The following MTA3 variants were observed in gnomAD, a reference collection of about 807,000 sequenced individuals.
The protein encoded by MTA3 is metastasis associated 1 family member 3, also known as metastasis-associated protein MTA3.
A neutral mutation model predicts 83.5 loss-of-function variants in MTA3; 34 were observed. The ratio of observed to expected loss-of-function variants is 0.41; its 90% CI spans 0.31 to 0.54. The LOEUF (loss-of-function observed/expected upper bound fraction) is 0.54, where lower values mean the gene tolerates loss of function less well. MTA3 is among the 20% of genes least tolerant of loss of function. MTA3 has a pLI of 0.33. For synonymous variants in MTA3, 303 were observed against 252.7 expected (o/e 1.20, Z -1.89); for missense variants, 761 against 726.4 (o/e 1.05, Z -0.55).
chr2:42,604,527 A>G (rs1480668215), intron 3 of MTA3, among the ~76,000 whole-genome samples: 1 of 145,038 alleles, frequency 6.9e-6, no homozygotes, highest in Non-Finnish European at 1.5e-5. Flanking sequence ...TGCTGAATTT[A>G]GTGTTGCTCG....
chr2:42,590,479 A>C (rs1680836601), intron 3 of MTA3, among the ~76,000 whole-genome samples: 1 of 152,142 alleles, frequency 6.6e-6, no homozygotes, highest in South Asian at 2.1e-4. Flanking sequence ...GCAGATGCCC[A>C]GTCATAAACT....
intron 2 of MTA3, among the ~76,000 whole-genome samples, chr2:42,510,024 C>T (rs980227095): frequency 6.6e-6 from 1 of 151,960 alleles, no homozygotes; most frequent in Non-Finnish European, 1.5e-5. Flanking sequence ...GCCAGCTTCC[C>T]GTGTTTAAAA....
chr2:42,547,040 C>G (rs1288846310), intron 2 of MTA3, among the ~76,000 whole-genome samples: 1 of 152,114 alleles, frequency 6.6e-6, no homozygotes, highest in African/African-American at 2.4e-5. Flanking sequence ...GAGGTTCCCC[C>G]CACTACTCTC....
chr2:42,639,560 C>T (rs1488822976), intron 4 of MTA3, among the ~76,000 whole-genome samples: 1 of 152,180 alleles, frequency 6.6e-6, no homozygotes, highest in Non-Finnish European at 1.5e-5. Context: ...AATGTAAGTG[C>T]TGTCAGACCT....
chr2:42,640,292 C>G (rs959057622), intron 5 of MTA3, 56 bp downstream of exon 5: 1 of 1,211,962 alleles, frequency 8.3e-7, no homozygotes, highest in Non-Finnish European at 1.2e-6. Context: ...ACATGAAGCT[C>G]TTTCCTTGGA....
chr2:42,709,900 A>G (rs970178708), intron 14 of MTA3, among the ~76,000 whole-genome samples: 1 of 152,174 alleles, frequency 6.6e-6, no homozygotes, highest in African/African-American at 2.4e-5. Flanking sequence ...TTGTTAGCAC[A>G]GAGATCATAT....
At chr2:42,514,077 C>T (rs1675023910) in intron 2 of MTA3, among the ~76,000 whole-genome samples, 1 of 152,150 alleles carries the variant, frequency 6.6e-6, no homozygotes, top group East Asian at 1.9e-4. Context: ...GCTGAGCATG[C>T]TGGTGCGTGC....
chr2:42,613,296 T>C (rs1246805400), intron 4 of MTA3, among the ~76,000 whole-genome samples: 1 of 152,250 alleles, frequency 6.6e-6, no homozygotes, highest in Non-Finnish European at 1.5e-5. Context: ...TTCCTTTGAA[T>C]TATGATGAAG....
intron 2 of MTA3, among the ~76,000 whole-genome samples, chr2:42,573,566 A>G (rs961846476): frequency 2.0e-5 from 3 of 152,180 alleles, no homozygotes; most frequent in Non-Finnish European, 4.4e-5. Flanking sequence ...GCTGGAGTAC[A>G]ATGGCATGAT....
chr2:42,511,410 C>T (rs1184257312), intron 2 of MTA3, among the ~76,000 whole-genome samples: 1 of 151,386 alleles, frequency 6.6e-6, no homozygotes, highest in Non-Finnish European at 1.5e-5. Context: ...TACATGTTCT[C>T]ACAGGTTGCA....
At chr2:42,702,765 T>A (rs939350568) in intron 11 of MTA3, 2 of 152,252 alleles carry the variant, frequency 1.3e-5, no homozygotes, top group African/African-American at 4.8e-5. Flanking sequence ...GTACTATGTG[T>A]ACCTGTGCAG....
intron 14 of MTA3, among the ~76,000 whole-genome samples, chr2:42,710,066 CAGAT>C (rs1321815189): frequency 1.3e-5 from 2 of 152,082 alleles, no homozygotes; most frequent in African/African-American, 2.4e-5. Flanking sequence ...TCTGGCCTAA[CAGAT>C]AGGAAATCCT....
chr2:42,714,860 A>C (rs568266252), intron 14 of MTA3, among the ~76,000 whole-genome samples: 22 of 152,326 alleles, frequency 1.4e-4, no homozygotes, highest in African/African-American at 5.3e-4. Flanking sequence ...ATGAGAATCT[A>C]ATGCTGCCAC....
At chr2:42,654,311 G>GGCTT (rs1688969303) in intron 6 of MTA3, among the ~76,000 whole-genome samples, 1 of 152,162 alleles carries the variant, frequency 6.6e-6, no homozygotes, top group African/African-American at 2.4e-5. Flanking sequence ...TCCTATACTA[G>GGCTT]GCGGCCCATA....
intron 2 of MTA3, among the ~76,000 whole-genome samples, chr2:42,549,654 T>TTA (rs1394397243): frequency 1.6e-5 from 2 of 128,072 alleles, no homozygotes; most frequent in African/African-American, 6.0e-5. Context: ...ATATAATATA[T>TTA]TATATACATA....
intron 4 of MTA3, among the ~76,000 whole-genome samples, chr2:42,609,828 G>C (rs1683964481): frequency 6.6e-6 from 1 of 152,220 alleles, no homozygotes; most frequent in Admixed American, 6.5e-5. Context: ...GCCAGGCGCA[G>C]TGGCTCACGC....
intron 2 of MTA3, among the ~76,000 whole-genome samples, chr2:42,555,810 G>T (rs867911818): frequency 6.7e-6 from 1 of 150,084 alleles, no homozygotes; most frequent in South Asian, 2.1e-4. Context: ...GGTGGCTCAC[G>T]CCTGTAATCC....
At chr2:42,628,038 C>T (rs1351594310) in intron 4 of MTA3, among the ~76,000 whole-genome samples, 1 of 151,526 alleles carries the variant, frequency 6.6e-6, no homozygotes, top group Non-Finnish European at 1.5e-5. Context: ...GTGAGCACCA[C>T]CACGCCCAGC....
chr2:42,524,454 C>T lies in MTA3; in HGVS notation c.-141+29200C>T, dbSNP rs545140217. The stretch of plus-strand genomic sequence containing the variant: ...TAGCTGGGACTACAATTGCCCGCCA[C>T]CACGCCTGGCTAGTTGTGTTTTTTT... On this transcript the variant is annotated intron_variant, in intron 2 of 17. Transcript: ENST00000405592. Among the ~76,000 whole-genome samples the T allele has an allele frequency of 3.3e-5, 5 of 150,490 alleles. No individual in the cohort carries two copies. The South Asian group carries it at 1.1e-3, about 32-fold the overall frequency.
Sources: allele counts gnomAD v4.1 joint callset (sites outside exome capture counted in the v4.1 genomes callset), GRCh38; gene constraint gnomAD v4.1.1; transcripts MANE v1.5; gene names NCBI Gene and HGNC (gene_info 2026-07-23, HGNC 2026-07-21).